SLC12A2: variants seen among roughly 807,000 people sequenced by gnomAD.
SLC12A2 encodes the protein Na-K-2Cl cotransporter 1.
Under a neutral mutation model 136.3 loss-of-function variants are expected in SLC12A2, and 67 were observed. The observed-to-expected ratio is 0.49, with a 90% CI of 0.40 to 0.60. The LOEUF is 0.60. SLC12A2 is among the 20% of genes least tolerant of loss of function. The pLI, the probability that SLC12A2 is intolerant of heterozygous loss-of-function variation, is 0.00. For synonymous variants in SLC12A2, 619 were observed against 562.9 expected (o/e 1.10, Z -1.41); for missense variants, 1,322 against 1,534.7 (o/e 0.86, Z 2.32).
chr5:128,150,316 C>A (rs1762660784), intron 13 of SLC12A2, among the ~76,000 whole-genome samples: 1 of 151,556 alleles, frequency 6.6e-6, no homozygotes, highest in Non-Finnish European at 1.5e-5. Context: ...TAGGATTAAT[C>A]TCTAATTCTG....
chr5:128,094,281 C>A (rs535051723), intron 1 of SLC12A2, among the ~76,000 whole-genome samples: 1 of 150,972 alleles, frequency 6.6e-6, no homozygotes, highest in Non-Finnish European at 1.5e-5. Flanking sequence ...GAATAATAGG[C>A]CTAATTCTTT....
At chr5:128,164,392 G>A (rs914553537) in intron 17 of SLC12A2, among the ~76,000 whole-genome samples, 8 of 152,102 alleles carry the variant, frequency 5.3e-5, no homozygotes, top group African/African-American at 1.9e-4. Context: ...CTATCAGTGT[G>A]GGGCAAAGTT....
chr5:128,112,493 G>A (rs1029964310), intron 1 of SLC12A2, among the ~76,000 whole-genome samples: 5 of 152,134 alleles, frequency 3.3e-5, no homozygotes, highest in African/African-American at 4.8e-5. Context: ...TGAATTGATC[G>A]ACTTAGCTAC....
rs542870327 is a variant in SLC12A2, at chr5:128,187,380, T to C, written c.*749T>C. On this transcript the variant is annotated 3_prime_UTR_variant, in exon 27 of 27. Transcript: ENST00000262461. ...GAAGATTGAAGATTCATCCCATACT[T>C]CTATATACCATGCTTAAAAATCACG... 1 of 152,222 alleles carries C rather than the reference T, an allele frequency of 6.6e-6. No individual in the cohort carries two copies. The highest frequency in any genetic ancestry group is 6.5e-5 in the Admixed American group (1 of 15,282). The allele number at this position is 152,222 out of a possible 1,614,324, so 9.4% of individuals were successfully genotyped here.
chr5:128,154,899 A>G (rs1762823972), intron 15 of SLC12A2, among the ~76,000 whole-genome samples: 1 of 152,060 alleles, frequency 6.6e-6, no homozygotes. Flanking sequence ...TGTAGATTTT[A>G]GTAACCTTTG....
intron 9 of SLC12A2, among the ~76,000 whole-genome samples, chr5:128,141,355 A>T (rs998072144): frequency 6.6e-6 from 1 of 152,190 alleles, no homozygotes. Flanking sequence ...ATTTAAATAT[A>T]ATTATAATTC....
intron 1 of SLC12A2, among the ~76,000 whole-genome samples, chr5:128,098,692 T>A (rs1311968616): frequency 6.6e-6 from 1 of 151,996 alleles, no homozygotes; most frequent in Non-Finnish European, 1.5e-5. Context: ...ACTGCAGACT[T>A]TCCACCCCCA....
At chr5:128,184,101 T>C (rs569285490) in intron 24 of SLC12A2, among the ~76,000 whole-genome samples, 1 of 152,216 alleles carries the variant, frequency 6.6e-6, no homozygotes, top group East Asian at 1.9e-4. Context: ...TTAGAAAGTT[T>C]TAGATTTTGA....
intron 11 of SLC12A2, 101 bp downstream of exon 11, chr5:128,147,830 C>CAT (rs1402996122): frequency 1.6e-6 from 1 of 617,234 alleles, no homozygotes; most frequent in Non-Finnish European, 2.9e-6. Context: ...TTCTATCAAC[C>CAT]ATATATACAT....
chr5:128,167,835 G>A lies in SLC12A2; in HGVS notation c.2691G>A (p.Met897Ile). 6.2e-7 allele frequency: 1 copy of A among 1,602,942 alleles called. No homozygotes were observed. The highest frequency in any genetic ancestry group is 8.5e-7 in the Non-Finnish European group (1 of 1,172,728). ...AGAAAGATTGGTTGCAAGCAGATAT[G>A]AGGGATGTGGATATGTATATAAACT... is the stretch of plus-strand genomic sequence containing the variant. ...GFKKDWLQAD[M>I]RDVDMYINLF... Residue 897 changes from methionine (M) to isoleucine (I), a missense_variant, in exon 18 of 27, where the codon ATG becomes ATA. Around this residue, in one of 8 missense-constraint regions of SLC12A2, gnomAD observed 226 missense variants for 210.4 expected, o/e 1.07. Coordinates refer to ENST00000262461, the MANE Select transcript of SLC12A2 (RefSeq NM_001046.3).
intron 1 of SLC12A2, among the ~76,000 whole-genome samples, chr5:128,100,140 A>G (rs1257913022): frequency 1.3e-5 from 2 of 152,192 alleles, no homozygotes; most frequent in African/African-American, 2.4e-5. Context: ...TAGAATGGCT[A>G]CCACGTCAGT....
intron 4 of SLC12A2, among the ~76,000 whole-genome samples, chr5:128,128,433 C>CT (rs1351264798): frequency 6.6e-6 from 1 of 152,008 alleles, no homozygotes; most frequent in Non-Finnish European, 1.5e-5. Flanking sequence ...CCCATCAGGA[C>CT]TTTTTTTCCA....
At chr5:128,109,926 G>A (rs1013196996) in intron 1 of SLC12A2, 154 of 821,436 alleles carry the variant, frequency 1.9e-4, no homozygotes, top group Admixed American at 8.5e-5. Context: ...GCCTGGCTAC[G>A]GGGGATGAAC....
At chr5:128,096,678 C>G (rs1190743455) in intron 1 of SLC12A2, among the ~76,000 whole-genome samples, 1 of 151,996 alleles carries the variant, frequency 6.6e-6, no homozygotes, top group African/African-American at 2.4e-5. Flanking sequence ...ACTAACTTAC[C>G]TATAAATTTC....
intron 7 of SLC12A2, 101 bp downstream of exon 7, chr5:128,135,909 T>C: frequency 1.3e-6 from 1 of 745,518 alleles, no homozygotes; most frequent in Non-Finnish European, 2.3e-6. Context: ...CAGAATTGAC[T>C]ATGGTTTGGT....
chr5:128,106,490 A>G (rs1760941988), intron 1 of SLC12A2, among the ~76,000 whole-genome samples: 1 of 152,206 alleles, frequency 6.6e-6, no homozygotes, highest in Non-Finnish European at 1.5e-5. Context: ...AATTAATACA[A>G]TTATGAACCC....
Position 128,151,286 on chromosome 5 carries a change from T to C in SLC12A2, c.2153T>C (p.Leu718Pro). The change falls in exon 14 of 27, where the codon CTT (leucine) becomes CCT (proline). Residue 718 changes from leucine (L) to proline (P), a missense_variant. Coordinates refer to ENST00000262461, the MANE Select transcript of SLC12A2 (RefSeq NM_001046.3). Reference protein sequence around the residue: ...FKYYNMWISLLGAILCCIVMF... With the variant: ...FKYYNMWISLPGAILCCIVMF... ...TACTACAACATGTGGATATCACTTC[T>C]TGGAGCAATTCTTTGTTGCATAGTA... is the stretch of plus-strand genomic sequence containing the variant. 6.2e-7 allele frequency: 1 copy of C among 1,611,510 alleles called. No homozygotes were observed. Among genetic ancestry groups the C allele is most frequent in the South Asian group, 1.1e-5 (1 of 90,494 alleles).
rs768659849 is a variant in SLC12A2 at position 128,184,508 on chromosome 5, T to A, written c.3435+7T>A. ...TGAACTTTATAAGACCAAGGTATTC[T>A]CTTCTGCTTCCTTTTCATTAATCTT... is the stretch of plus-strand genomic sequence containing the variant. On this transcript the variant is annotated splice_region_variant and intron_variant, in intron 25 of 26. Transcript: ENST00000262461. The A allele has an allele frequency of 1.6e-5, 25 of 1,572,488 alleles. No individual in the cohort carries two copies. The highest frequency in any genetic ancestry group is 2.1e-5 in the Non-Finnish European group (24 of 1,166,494).
chr5:128,126,966 A>ATATATATATATTTTT, intron 4 of SLC12A2, among the ~76,000 whole-genome samples: 2 of 21,158 alleles, frequency 9.5e-5, no homozygotes, highest in Non-Finnish European at 1.5e-4. Flanking sequence ...ATATATATAT[A>ATATATATATATTTTT]TTTTTTTTTT....
Sources: gnomAD v4.1 joint callset for allele counts (sites outside exome capture counted in the v4.1 genomes callset) on GRCh38, gnomAD v4.1.1 for gene constraint, gnomAD v4.1.1 regional missense constraint, MANE v1.5 for transcripts, NCBI Gene and HGNC (gene_info 2026-07-23, HGNC 2026-07-21) for gene names.